Variants in C5 observed in about 807,000 individuals in gnomAD.
C5 encodes C3 and PZP-like alpha-2-macroglobulin domain-containing protein 4.
Under a neutral mutation model 218.8 loss-of-function variants are expected in C5, and 140 were observed. The ratio of observed to expected loss-of-function variants is 0.64; its 90% confidence interval spans 0.56 to 0.74. The LOEUF (loss-of-function observed/expected upper bound fraction) is 0.74. Ranked by LOEUF, C5 falls within the 30% of genes least tolerant of loss-of-function variation. The pLI, the probability that C5 is intolerant of heterozygous loss-of-function variation, is 0.00. For synonymous variants in C5, 614 were observed against 682.3 expected (o/e 0.90, Z 1.56); for missense variants, 1,700 against 1,969.6 (o/e 0.86, Z 2.59).
intron 33 of C5, among the ~76,000 whole-genome samples, chr9:120,968,593 C>T (rs1169670211): frequency 1.3e-5 from 2 of 152,164 alleles, no homozygotes; most frequent in Admixed American, 1.3e-4. Flanking sequence ...GGTTCTCAAC[C>T]CTGGCTACCA....
chr9:121,032,516 T>G (rs1159839886), intron 5 of C5, among the ~76,000 whole-genome samples: 1 of 152,234 alleles, frequency 6.6e-6, no homozygotes, highest in Admixed American at 6.5e-5. Context: ...AGCCTAATTA[T>G]GCTAACATAA....
intron 15 of C5, among the ~76,000 whole-genome samples, chr9:121,015,684 A>T (rs904562556): frequency 6.6e-6 from 1 of 152,226 alleles, no homozygotes; most frequent in African/African-American, 2.4e-5. Flanking sequence ...TAGAAAGAAG[A>T]TGATTAAGGT....
intron 26 of C5, 37 bp downstream of exon 26, chr9:120,982,618 T>A: frequency 6.7e-7 from 1 of 1,496,920 alleles, no homozygotes; most frequent in Non-Finnish European, 9.3e-7. Flanking sequence ...TCAAACTAAA[T>A]AAAACTATTG....
the C5 span, among the ~76,000 whole-genome samples, chr9:121,073,357 A>C: frequency 4.6e-5 from 7 of 152,228 alleles, no homozygotes; most frequent in Middle Eastern, 3.4e-3. Context: ...TCCTTGCCTA[A>C]ACTCTTCTTT....
chr9:120,964,124 GA>G (rs1215081535), intron 33 of C5, among the ~76,000 whole-genome samples: 1 of 152,124 alleles, frequency 6.6e-6, no homozygotes, highest in East Asian at 1.9e-4. Flanking sequence ...ATATTCCAAG[GA>G]AAAAATCAGT....
At chr9:120,975,900 C>T (rs1471529260) in intron 29 of C5, among the ~76,000 whole-genome samples, 3 of 152,154 alleles carry the variant, frequency 2.0e-5, no homozygotes, top group African/African-American at 7.2e-5. Flanking sequence ...TCTTTCTGGA[C>T]CTCATCTTTC....
At chr9:120,963,498 C>T (rs41312903) in intron 34 of C5, 138 bp downstream of exon 34, 36,844 of 688,586 alleles carry the variant, frequency 0.054, 1,335 homozygotes, top group Middle Eastern at 0.064. Context: ...AGTGAAAATC[C>T]ACCTCCAAAA....
intron 9 of C5, 82 bp downstream of exon 9, chr9:121,025,372 T>C (rs904847524): frequency 5.2e-6 from 7 of 1,345,058 alleles, no homozygotes; most frequent in Middle Eastern, 2.7e-4. Flanking sequence ...AATTGGAAAT[T>C]ATTTATATCT....
At chr9:121,028,158 C>T (rs1375365942) in intron 7 of C5, among the ~76,000 whole-genome samples, 1 of 152,168 alleles carries the variant, frequency 6.6e-6, no homozygotes, top group Non-Finnish European at 1.5e-5. Flanking sequence ...CATCTCACAC[C>T]AGTTAGAATG....
At chr9:120,971,037 T>A (rs548497151) in intron 31 of C5, among the ~76,000 whole-genome samples, 32 of 152,068 alleles carry the variant, frequency 2.1e-4, no homozygotes, top group African/African-American at 7.2e-4. Flanking sequence ...CCAGGCGTAG[T>A]GGCATGTGCC....
At chr9:121,063,383 A>G in the C5 span, among the ~76,000 whole-genome samples, 2 of 151,746 alleles carry the variant, frequency 1.3e-5, no homozygotes, top group Non-Finnish European at 2.9e-5. Context: ...CTTATTTATA[A>G]TTTTCGTCTT....
At chr9:121,040,173 T>C (rs1212945444) in intron 3 of C5, among the ~76,000 whole-genome samples, 1 of 152,218 alleles carries the variant, frequency 6.6e-6, no homozygotes, top group Non-Finnish European at 1.5e-5. Flanking sequence ...GGATCTGTGA[T>C]GACACGTGAG....
intron 40 of C5, among the ~76,000 whole-genome samples, chr9:120,953,278 C>A (rs1012108774): frequency 2.0e-5 from 3 of 152,148 alleles, no homozygotes; most frequent in Non-Finnish European, 4.4e-5. Context: ...TCAGGCTGTC[C>A]GCCAAACTCT....
intron 29 of C5, among the ~76,000 whole-genome samples, chr9:120,975,387 CCTACCCCACTGCAATATAAG>C (rs1463632375): frequency 6.6e-6 from 1 of 152,056 alleles, no homozygotes. Flanking sequence ...TTATTGTTGG[CCTACCCCACTGCAATATAAG>C]ATTTGTGAGG....
rs768999689 is a variant in C5 at position 121,016,303 on chromosome 9, A to G, written c.1947T>C (p.Ala649=). ...GLNNANVFHL[A]GLTFLTNANA... ...TTGCATTAGTGAGGAAGGTAAGTCC[A>G]GCTAGGTGGAACACATTGGCATTGT... The change falls in exon 15 of 41, where the codon GCT becomes GCC. Residue 649 remains alanine (A), a synonymous_variant. Transcript: ENST00000223642. 13 of 1,614,006 alleles carry G rather than the reference A, an allele frequency of 8.1e-6. No homozygotes were observed. Among genetic ancestry groups the G allele is most frequent in the Admixed American group, 6.7e-5 (4 of 60,000 alleles).
At chr9:121,011,491 A>T (rs537411609) in intron 17 of C5, among the ~76,000 whole-genome samples, 80 of 152,182 alleles carry the variant, frequency 5.3e-4, no homozygotes, top group African/African-American at 1.9e-3. Flanking sequence ...GCTGGAGGGG[A>T]TGTGGAGAAA....
In C5 at chr9:121,015,188, T is replaced by A; in HGVS notation, c.2059+11A>T. On this transcript the variant is annotated intron_variant, in intron 16 of 40. Transcript: ENST00000223642. ...CATAACCTTTTTACAATCACATGAA[T>A]CTTACAGTACCTATTTCTTCTATCT... The A allele has an allele frequency of 6.4e-7, 1 of 1,569,490 alleles. No individual in the cohort carries two copies. Among genetic ancestry groups the A allele is most frequent in the South Asian group, 1.1e-5 (1 of 89,956 alleles).
At chr9:121,071,418 C>T in the C5 span, among the ~76,000 whole-genome samples, 2 of 152,010 alleles carry the variant, frequency 1.3e-5, no homozygotes, top group Non-Finnish European at 2.9e-5. Flanking sequence ...GGCATGCTGG[C>T]TCATGCGTGT....
At chr9:120,992,716 C>T (rs1309802558) in intron 22 of C5, among the ~76,000 whole-genome samples, 4 of 152,128 alleles carry the variant, frequency 2.6e-5, no homozygotes, top group Non-Finnish European at 5.9e-5. Context: ...CATAAAAAGG[C>T]AGGTTCCAGA....
Sources: gnomAD v4.1 joint callset for allele counts (sites outside exome capture counted in the v4.1 genomes callset) on GRCh38, gnomAD v4.1.1 for gene constraint, MANE v1.5 for transcripts, NCBI Gene and HGNC (gene_info 2026-07-23, HGNC 2026-07-21) for gene names.